The following WDPCP variants were observed in gnomAD, a reference collection of about 807,000 sequenced individuals.
WDPCP encodes the protein WD repeat containing planar cell polarity effector.
WDPCP carries 71 observed loss-of-function variants against 93.1 expected under a neutral mutation model. The observed-to-expected ratio is 0.76, with a 90% confidence interval of 0.63 to 0.93. The LOEUF is 0.93. WDPCP is among the 40% of genes least tolerant of loss of function. WDPCP has a pLI of 0.00. For synonymous variants in WDPCP, 315 were observed against 315.0 expected (o/e 1.00, Z 0.00); for missense variants, 844 against 887.4 (o/e 0.95, Z 0.62).
intron 2 of WDPCP, among the ~76,000 whole-genome samples, chr2:63,681,075 G>A (rs1016484403): frequency 6.6e-6 from 1 of 152,144 alleles, no homozygotes; most frequent in Non-Finnish European, 1.5e-5. Flanking sequence ...GGGTGAGACC[G>A]AGATGTACCG....
chr2:63,751,079 A>G (rs1047909200), intron 2 of WDPCP, among the ~76,000 whole-genome samples: 2 of 152,176 alleles, frequency 1.3e-5, no homozygotes, highest in East Asian at 1.9e-4. Context: ...CATCAGTGAA[A>G]CCATCTGAAT....
At chr2:63,278,248 G>A (rs1041590999) in intron 13 of WDPCP, among the ~76,000 whole-genome samples, 6 of 152,076 alleles carry the variant, frequency 3.9e-5, no homozygotes, top group Admixed American at 2.6e-4. Flanking sequence ...AAATCTCTGG[G>A]ATACAGCAAA....
rs1669759541 is a variant in WDPCP at position 63,743,901 on chromosome 2, ATAACT to A, written n.308+69716_308+69720del. ...AACAAAACACTTGAGTAGAAATCAC[ATAACT>A]TAATGTACAAAACAGAAAGCAGTAC... On this transcript the variant is annotated intron_variant and non_coding_transcript_variant, in intron 2 of 4. Transcript: ENST00000467687. Among the ~76,000 whole-genome samples the A allele has an allele frequency of 5.3e-5, 8 of 152,172 alleles. No homozygotes were observed. The South Asian group carries it at 1.4e-3, about 28-fold the overall frequency.
chr2:63,493,400 T>A (rs932936743), intron 1 of WDPCP, among the ~76,000 whole-genome samples: 1 of 152,122 alleles, frequency 6.6e-6, no homozygotes, highest in Non-Finnish European at 1.5e-5. Flanking sequence ...CTAATTAAAG[T>A]GGAATTTGCA....
At chr2:63,803,532 T>G (rs1269648591) in intron 2 of WDPCP, among the ~76,000 whole-genome samples, 1 of 152,230 alleles carries the variant, frequency 6.6e-6, no homozygotes, top group Non-Finnish European at 1.5e-5. Flanking sequence ...GGCCAGCATT[T>G]ACCATCTGCT....
At position 63,437,445 on chromosome 2, in the gene WDPCP, T is replaced by G; in HGVS notation, c.609A>C (p.Glu203Asp). The change falls in exon 8 of 18, where the codon GAA (glutamate) becomes GAC (aspartate). Residue 203 changes from glutamate to aspartate, a missense_variant. Transcript: ENST00000272321. ...CCTTATAATCCAAGGCTGAGAGTTT[T>G]TCCAGTCTTTTGTTTACATCAGAAG... ...MESSDVNKRL[E>D]KLSALDYKIF... 1 of 1,603,352 alleles carries G rather than the reference T, an allele frequency of 6.2e-7. No individual in the cohort carries two copies. Among genetic ancestry groups the G allele is most frequent in the Non-Finnish European group, 8.5e-7 (1 of 1,174,554 alleles).
intron 1 of WDPCP, among the ~76,000 whole-genome samples, chr2:63,825,125 C>A (rs1671093533): frequency 6.6e-6 from 1 of 152,116 alleles, no homozygotes; most frequent in African/African-American, 2.4e-5. Context: ...GAAAAAATTT[C>A]AGTCTCACTA....
rs975465324 is a variant in WDPCP, at chr2:63,433,780, G to C, written c.790C>G (p.Leu264Val). The C allele has an allele frequency of 6.2e-7, 1 of 1,613,774 alleles. No individual in the cohort carries two copies. The highest frequency in any genetic ancestry group is 8.5e-7 in the Non-Finnish European group (1 of 1,179,844). ...CCTTGAGCATAACCCAGGAGGAGTA[G>C]ATTGGCTCTGTCCTTCTCAGAAGAA... ...PISSEKDRAN[L>V]LLLGYAQGRL... Residue 264 changes from leucine to valine, a missense_variant, in exon 9 of 18, where the codon CTA (leucine) becomes GTA (valine). Transcript: ENST00000272321.
chr2:63,524,346 T>TC (rs1476825818), intron 1 of WDPCP, among the ~76,000 whole-genome samples: 2 of 152,064 alleles, frequency 1.3e-5, no homozygotes, highest in Non-Finnish European at 2.9e-5. Context: ...CTACCTGACC[T>TC]CCAACTATAA....
intron 2 of WDPCP, among the ~76,000 whole-genome samples, chr2:63,802,539 C>T (rs1374240203): frequency 6.6e-6 from 1 of 152,002 alleles, no homozygotes; most frequent in Non-Finnish European, 1.5e-5. Flanking sequence ...TGGATTTTTT[C>T]TAGCTGTGAC....
At chr2:63,261,976 G>T (rs1309470685) in intron 13 of WDPCP, among the ~76,000 whole-genome samples, 2 of 152,124 alleles carry the variant, frequency 1.3e-5, no homozygotes, top group Admixed American at 6.5e-5. Context: ...TAATCATGTG[G>T]TTTTTAATTT....
At position 63,817,202 on chromosome 2, in the gene WDPCP, T is replaced by C. The variant is rs569723580; in HGVS notation, n.223-3495A>G. On this transcript the variant is annotated intron_variant and non_coding_transcript_variant, in intron 1 of 4. Coordinates refer to the WDPCP transcript ENST00000467687. Reference sequence around the variant, plus strand: ...TTGGCTCAGCGCCACCTCTGCTTCCTAGGTTCAAGCAATTCTTCTGCCTCA... The same window carrying C: ...TTGGCTCAGCGCCACCTCTGCTTCCCAGGTTCAAGCAATTCTTCTGCCTCA... 4.0e-5 allele frequency among the ~76,000 whole-genome samples: 6 copies of C among 151,878 alleles called. No homozygotes were observed. In the East Asian group the frequency reaches 1.2e-3, roughly 29 times the overall value.
intron 2 of WDPCP, among the ~76,000 whole-genome samples, chr2:63,659,906 C>T (rs1257531120): frequency 6.6e-6 from 1 of 152,152 alleles, no homozygotes; most frequent in East Asian, 1.9e-4. Context: ...ACACAGAAAA[C>T]TTTTCGTTTT....
chr2:63,341,203 A>C (rs1688808751), intron 12 of WDPCP, among the ~76,000 whole-genome samples: 1 of 152,140 alleles, frequency 6.6e-6, no homozygotes, highest in African/African-American at 2.4e-5. Flanking sequence ...ATCTCGGCAT[A>C]CTGCAACCTC....
At chr2:63,218,881 A>G (rs1677576091) in intron 14 of WDPCP, among the ~76,000 whole-genome samples, 1 of 152,162 alleles carries the variant, frequency 6.6e-6, no homozygotes, top group African/African-American at 2.4e-5. Flanking sequence ...AAAATCTCCA[A>G]TGAAGTTTTT....
At chr2:63,524,085 T>C (rs544043208) in intron 1 of WDPCP, among the ~76,000 whole-genome samples, 23 of 152,190 alleles carry the variant, frequency 1.5e-4, no homozygotes, top group South Asian at 1.2e-3. Context: ...ACAATGAGAA[T>C]TGCAAAACAC....
At chr2:63,836,679 C>T in the WDPCP span, among the ~76,000 whole-genome samples, 2 of 152,028 alleles carry the variant, frequency 1.3e-5, no homozygotes, top group African/African-American at 4.8e-5. Context: ...ATCAAAGGGG[C>T]GGACACAATT....
At chr2:63,785,678 C>G (rs750530797) in intron 2 of WDPCP, among the ~76,000 whole-genome samples, 4 of 152,054 alleles carry the variant, frequency 2.6e-5, no homozygotes, top group Non-Finnish European at 5.9e-5. Flanking sequence ...TGCATGCAGT[C>G]TTCAACTTAA....
At chr2:63,451,253 A>C (rs1698226654) in intron 6 of WDPCP, among the ~76,000 whole-genome samples, 1 of 152,046 alleles carries the variant, frequency 6.6e-6, no homozygotes, top group African/African-American at 2.4e-5. Flanking sequence ...CAGAAGAGAC[A>C]ATCTCAGAAC....
Sources: gnomAD v4.1 joint callset for allele counts (sites outside exome capture counted in the v4.1 genomes callset) on GRCh38, gnomAD v4.1.1 for gene constraint, MANE v1.5 for transcripts, NCBI Gene and HGNC (gene_info 2026-07-23, HGNC 2026-07-21) for gene names.